The following KAZN variants were observed in gnomAD, a reference collection of about 807,000 sequenced individuals.
The protein encoded by KAZN is kazrin, periplakin interacting protein, also known as kazrin.
Under a neutral mutation model 87.4 loss-of-function variants are expected in KAZN, and 40 were observed. The observed-to-expected ratio is 0.46, with a 90% CI of 0.36 to 0.60. The LOEUF is 0.60. Ranked by LOEUF, KAZN falls within the 20% of genes least tolerant of loss-of-function variation. KAZN has a pLI of 0.00. For missense variants in KAZN, 898 were observed against 1,073.9 expected, an observed-to-expected ratio of 0.84 and a Z score of 2.29; for synonymous variants, 466 against 458.3, an observed-to-expected ratio of 1.02 and a Z score of -0.22.
chr1:14,388,743 C>G (rs189490682), intron 2 of KAZN, among the ~76,000 whole-genome samples: 3 of 152,206 alleles, frequency 2.0e-5, no homozygotes, highest in Admixed American at 6.5e-5. Context: ...AACTATGATA[C>G]TACTAAAAGA....
At chr1:14,690,661 C>T (rs952160803) in intron 1 of KAZN, among the ~76,000 whole-genome samples, 1 of 152,174 alleles carries the variant, frequency 6.6e-6, no homozygotes, top group African/African-American at 2.4e-5. Context: ...AAATCCAAAG[C>T]TCTTAGCAGG....
chr1:14,875,295 C>A (rs539326587), intron 1 of KAZN, among the ~76,000 whole-genome samples: 13 of 140,962 alleles, frequency 9.2e-5, no homozygotes, highest in Non-Finnish European at 1.8e-4. Flanking sequence ...CATGCCATTG[C>A]ACTCCATCCT....
chr1:14,884,389 T>A (rs987323509), intron 1 of KAZN, among the ~76,000 whole-genome samples: 1 of 151,984 alleles, frequency 6.6e-6, no homozygotes, highest in Non-Finnish European at 1.5e-5. Context: ...AGACTCCATC[T>A]CAAGAAAAAA....
At chr1:14,640,144 A>G (rs2148673933) in intron 1 of KAZN, among the ~76,000 whole-genome samples, 1 of 152,338 alleles carries the variant, frequency 6.6e-6, no homozygotes, top group South Asian at 2.1e-4. Context: ...AAGTTTAAAA[A>G]TACCCCTTTA....
At chr1:14,698,289 G>GGGGGTC (rs1641726391) in intron 1 of KAZN, among the ~76,000 whole-genome samples, 1 of 152,182 alleles carries the variant, frequency 6.6e-6, no homozygotes, top group South Asian at 2.1e-4. Context: ...AGGTGGGGGT[G>GGGGGTC]GGGAGGGGAA....
At chr1:13,915,517 T>A (rs996042881) in intron 1 of KAZN, among the ~76,000 whole-genome samples, 6 of 151,832 alleles carry the variant, frequency 4.0e-5, no homozygotes, top group Admixed American at 3.3e-4. Context: ...TGAAGAGGAG[T>A]CCTGCCCTCT....
Position 14,374,728 on chromosome 1 carries a change from C to T in KAZN, c.249+194136C>T, listed in dbSNP as rs145952945. ...GAATGTAGATTCCTGGTCAGGACCG[C>T]GGACTGCCCCTCGAGTGTAGTTTAA... On this transcript the variant is annotated intron_variant, in intron 2 of 16. Coordinates refer to the KAZN transcript ENST00000636203. 5.2e-3 allele frequency among the ~76,000 whole-genome samples: 784 copies of T among 152,194 alleles called. 7 individuals are homozygous for T. Among genetic ancestry groups the T allele is most frequent in the African/African-American group, 0.018 (752 of 41,524 alleles).
At chr1:14,904,309 G>GAAAAA (rs34880967) in intron 1 of KAZN, among the ~76,000 whole-genome samples, 5 of 137,872 alleles carry the variant, frequency 3.6e-5, no homozygotes, top group Admixed American at 7.4e-5. Flanking sequence ...CGTCTCAAAA[G>GAAAAA]AAAAAAAAAA....
chr1:14,660,316 A>G lies in KAZN; in HGVS notation c.226+61093A>G, dbSNP rs139055993. Among the ~76,000 whole-genome samples, 90 of 152,288 alleles carry G rather than the reference A, an allele frequency of 5.9e-4. 1 individual carries two copies. Among genetic ancestry groups the G allele is most frequent in the African/African-American group, 2.1e-3 (86 of 41,562 alleles). ...TTGATGGCTCCCTATAAGCTGTGCT[A>G]AACTTTCACATGTATTTTCTCATTT... On this transcript the variant is annotated intron_variant, in intron 1 of 14. Transcript: ENST00000376030.
intron 1 of KAZN, among the ~76,000 whole-genome samples, chr1:14,900,574 A>G (rs1476270674): frequency 2.0e-5 from 3 of 152,066 alleles, no homozygotes; most frequent in Admixed American, 2.0e-4. Flanking sequence ...TAACACGGTG[A>G]AACTCTGTCT....
intron 2 of KAZN, among the ~76,000 whole-genome samples, chr1:14,320,891 G>T (rs1340158382): frequency 6.6e-6 from 1 of 152,086 alleles, no homozygotes; most frequent in Non-Finnish European, 1.5e-5. Flanking sequence ...AAATTCATGA[G>T]TTAGACATCT....
intron 1 of KAZN, among the ~76,000 whole-genome samples, chr1:14,608,171 A>G (rs1025807832): frequency 2.6e-5 from 4 of 152,224 alleles, no homozygotes; most frequent in Admixed American, 6.5e-5. Context: ...GCCCAAAGAC[A>G]TGCCAGTAGG....
intron 8 of KAZN, among the ~76,000 whole-genome samples, chr1:15,087,399 CT>C (rs142552383): frequency 1.5e-3 from 158 of 108,216 alleles, no homozygotes; most frequent in Admixed American, 1.8e-3. Context: ...GCACTTTTTT[CT>C]TTTTTTTTTT....
At chr1:14,845,054 A>G (rs1486599376) in intron 1 of KAZN, among the ~76,000 whole-genome samples, 1 of 151,604 alleles carries the variant, frequency 6.6e-6, no homozygotes. Context: ...ACAGACAGAT[A>G]AATGAATGAA....
rs541602781 is a variant in KAZN, at chr1:15,085,917, T to G, written c.1223-8263T>G. On this transcript the variant is annotated intron_variant, in intron 8 of 14. Coordinates refer to ENST00000376030, the MANE Select transcript of KAZN (RefSeq NM_201628.3). ...CACAATTATATCATTCAGAATAAAT[T>G]TGAAATATCCACATCTAGCCACATT... Among the ~76,000 whole-genome samples, 25 of 152,238 alleles carry G rather than the reference T, an allele frequency of 1.6e-4. 1 individual carries two copies. Among genetic ancestry groups the G allele is most frequent in the Admixed American group, 1.2e-3 (19 of 15,294 alleles).
chr1:14,473,662 C>CA lies in KAZN; in HGVS notation c.250-125312dup, dbSNP rs138041328. Among the ~76,000 whole-genome samples, 1,204 of 147,016 alleles carry CA rather than the reference C, an allele frequency of 8.2e-3. 19 individuals are homozygous for CA. The highest frequency in any genetic ancestry group is 6.5e-3 in the Non-Finnish European group (432 of 66,696). ...CAAAAAAAAAAAAAAAACACAAAAA[C>CA]AAAAAAAAACTCTTCATCATCACAG... is the stretch of plus-strand genomic sequence containing the variant. On this transcript the variant is annotated intron_variant, in intron 2 of 16. Coordinates refer to the KAZN transcript ENST00000636203.
At chr1:14,860,008 G>A (rs1312467211) in intron 1 of KAZN, among the ~76,000 whole-genome samples, 4 of 152,102 alleles carry the variant, frequency 2.6e-5, no homozygotes, top group African/African-American at 9.7e-5. Flanking sequence ...ACTCTCACCA[G>A]TCACTTTGAA....
intron 2 of KAZN, among the ~76,000 whole-genome samples, chr1:14,255,650 G>A (rs1001100730): frequency 6.6e-6 from 1 of 152,158 alleles, no homozygotes; most frequent in African/African-American, 2.4e-5. Flanking sequence ...AAAGTTGCAC[G>A]GTGTGACTTC....
At chr1:14,876,001 A>G (rs1223650067) in intron 1 of KAZN, among the ~76,000 whole-genome samples, 1 of 152,216 alleles carries the variant, frequency 6.6e-6, no homozygotes, top group Admixed American at 6.5e-5. Flanking sequence ...GATGACAGTG[A>G]AGTGAGAGTG....
Sources: gnomAD v4.1 joint callset for allele counts (sites outside exome capture counted in the v4.1 genomes callset) on GRCh38, gnomAD v4.1.1 for gene constraint, MANE v1.5 for transcripts, NCBI Gene and HGNC (gene_info 2026-07-23, HGNC 2026-07-21) for gene names.